Variants in SLIT3 observed in about 807,000 individuals in gnomAD.
SLIT3 encodes slit homolog 3 protein.
SLIT3 carries 68 observed loss-of-function variants against 184.0 expected under a neutral mutation model. That is an observed-to-expected ratio of 0.37 (90% CI 0.30 to 0.45). The LOEUF is 0.45. SLIT3 is among the 20% of genes least tolerant of loss of function. The pLI, the probability that SLIT3 is intolerant of heterozygous loss-of-function variation, is 1.00. For missense variants in SLIT3, 1,707 were observed against 2,026.0 expected, an observed-to-expected ratio of 0.84 and a Z score of 3.02; for synonymous variants, 831 against 828.6, an observed-to-expected ratio of 1.00 and a Z score of -0.05.
intron 5 of SLIT3, among the ~76,000 whole-genome samples, chr5:168,859,790 T>G (rs1444202122): frequency 6.6e-6 from 1 of 152,184 alleles, no homozygotes; most frequent in Non-Finnish European, 1.5e-5. Flanking sequence ...GGAGATGACC[T>G]TTTTGTTTTA....
chr5:168,737,532 A>C (rs1763478378), intron 20 of SLIT3, among the ~76,000 whole-genome samples: 2 of 152,144 alleles, frequency 1.3e-5, no homozygotes. Flanking sequence ...CCCGCATCCT[A>C]ATACAAATCC....
intron 4 of SLIT3, among the ~76,000 whole-genome samples, chr5:169,075,887 C>A (rs779034766): frequency 2.0e-5 from 3 of 152,192 alleles, no homozygotes; most frequent in Non-Finnish European, 2.9e-5. Context: ...TACCTACCAA[C>A]CTAGTTTGTC....
chr5:169,212,658 CTTTAGACATGGTGT>C, intron 3 of SLIT3, among the ~76,000 whole-genome samples: 1 of 152,236 alleles, frequency 6.6e-6, no homozygotes, highest in East Asian at 1.9e-4. Context: ...GTTGCCATTG[CTTTAGACATGGTGT>C]TTTAGACATG....
At chr5:168,694,300 A>G (rs1761989983) in intron 28 of SLIT3, among the ~76,000 whole-genome samples, 1 of 152,034 alleles carries the variant, frequency 6.6e-6, no homozygotes, top group Non-Finnish European at 1.5e-5. Context: ...CATTTTCACT[A>G]CTGGGATTTC....
chr5:169,215,045 G>C (rs1764390555), intron 3 of SLIT3, among the ~76,000 whole-genome samples: 1 of 152,092 alleles, frequency 6.6e-6, no homozygotes, highest in Admixed American at 6.6e-5. Context: ...CTTTATTGCA[G>C]AAAGAATGAT....
intron 4 of SLIT3, among the ~76,000 whole-genome samples, chr5:169,124,657 C>T (rs908977823): frequency 3.9e-5 from 6 of 152,084 alleles, no homozygotes; most frequent in African/African-American, 1.4e-4. Flanking sequence ...AAATGTTTAT[C>T]GTTTCAAGGA....
At chr5:169,211,875 G>A (rs1297249189) in intron 3 of SLIT3, among the ~76,000 whole-genome samples, 1 of 152,174 alleles carries the variant, frequency 6.6e-6, no homozygotes, top group Non-Finnish European at 1.5e-5. Context: ...TTATGAGTGA[G>A]AACATGTGGT....
intron 4 of SLIT3, among the ~76,000 whole-genome samples, chr5:168,896,442 T>G (rs1034169166): frequency 2.0e-5 from 3 of 152,176 alleles, no homozygotes; most frequent in African/African-American, 7.2e-5. Context: ...CATTCAACAC[T>G]GTGAGTAAAA....
At chr5:169,182,239 C>A (rs909405620) in intron 4 of SLIT3, among the ~76,000 whole-genome samples, 5 of 152,182 alleles carry the variant, frequency 3.3e-5, no homozygotes, top group African/African-American at 9.7e-5. Context: ...TTATTCTAAA[C>A]CATGAATCAA....
rs140554981 is a variant in SLIT3 at position 168,901,594 on chromosome 5, T to C, written c.414-18258A>G. ...ATCTTTTTTTCAGAACCCATAATTA[T>C]CAACAAATTTTAGAGCTAAAAGATC... is the stretch of plus-strand genomic sequence containing the variant. On this transcript the variant is annotated intron_variant, in intron 4 of 35. Transcript: ENST00000519560. Among the ~76,000 whole-genome samples, 651 of 152,160 alleles carry C rather than the reference T, an allele frequency of 4.3e-3. 6 individuals are homozygous for C. Among genetic ancestry groups the C allele is most frequent in the African/African-American group, 0.015 (622 of 41,478 alleles).
At chr5:168,956,135 C>T (rs1008650877) in intron 4 of SLIT3, among the ~76,000 whole-genome samples, 2 of 152,196 alleles carry the variant, frequency 1.3e-5, no homozygotes, top group Admixed American at 1.3e-4. Flanking sequence ...AAGCAATAAA[C>T]TTTCCCAGAG....
chr5:168,842,999 C>T (rs1427180375), intron 6 of SLIT3, among the ~76,000 whole-genome samples: 1 of 152,178 alleles, frequency 6.6e-6, no homozygotes, highest in Non-Finnish European at 1.5e-5. Flanking sequence ...TCCTAGGTTA[C>T]TAAATTTGGG....
chr5:168,680,786 A>G (rs1761565130), intron 32 of SLIT3, among the ~76,000 whole-genome samples: 1 of 152,170 alleles, frequency 6.6e-6, no homozygotes, highest in Non-Finnish European at 1.5e-5. Context: ...TCAGCCTGAG[A>G]AAATGATTCT....
At chr5:168,986,243 TCAC>T in intron 4 of SLIT3, among the ~76,000 whole-genome samples, 1 of 152,190 alleles carries the variant, frequency 6.6e-6, no homozygotes, top group African/African-American at 2.4e-5. Context: ...AGGGCAAAAA[TCAC>T]GATCCCTATA....
In SLIT3 at chr5:168,752,535, C is replaced by T. The variant is rs544806706; in HGVS notation, c.1973+420G>A. 22 of 174,250 alleles carry T rather than the reference C, an allele frequency of 1.3e-4. No homozygotes were observed. The South Asian group carries it at 2.2e-3, about 18-fold the overall frequency. 10.8% of individuals were successfully genotyped at this position (174,250 alleles called of 1,614,324 possible). A position where few individuals can be genotyped will look rare whatever the true frequency, so the allele number is the denominator to read the frequency against. On this transcript the variant is annotated intron_variant, in intron 18 of 35. Transcript: ENST00000519560. ...TCAGTCTCCCAGGTAGCTGGGATTA[C>T]GGATACTCACCACCATAACTGGCTA...
intron 4 of SLIT3, among the ~76,000 whole-genome samples, chr5:169,152,792 C>T (rs534701448): frequency 6.6e-6 from 1 of 152,258 alleles, no homozygotes; most frequent in South Asian, 2.1e-4. Flanking sequence ...CTGTGAGTGT[C>T]CTAGTTTCAG....
At chr5:168,748,008 A>G (rs1404466109) in intron 20 of SLIT3, among the ~76,000 whole-genome samples, 3 of 152,062 alleles carry the variant, frequency 2.0e-5, no homozygotes, top group Non-Finnish European at 4.4e-5. Context: ...GATACGGAAA[A>G]TGAGGCAATA....
intron 3 of SLIT3, among the ~76,000 whole-genome samples, chr5:169,227,713 A>G (rs536715576): frequency 1.3e-5 from 2 of 152,336 alleles, no homozygotes; most frequent in South Asian, 4.2e-4. Context: ...AGCACGTGCC[A>G]CCGCGCCCAG....
intron 4 of SLIT3, among the ~76,000 whole-genome samples, chr5:169,032,390 C>T (rs896914980): frequency 6.6e-6 from 1 of 152,058 alleles, no homozygotes; most frequent in African/African-American, 2.4e-5. Flanking sequence ...AGAAACTTTA[C>T]AATTGATGAA....
Sources: gnomAD v4.1 joint callset for allele counts (sites outside exome capture counted in the v4.1 genomes callset) on GRCh38, gnomAD v4.1.1 for gene constraint, MANE v1.5 for transcripts, NCBI Gene and HGNC (gene_info 2026-07-23, HGNC 2026-07-21) for gene names.